MBOAT2: variants seen among roughly 807,000 people sequenced by gnomAD.
MBOAT2 encodes membrane bound glycerophospholipid O-acyltransferase 2, also known as membrane-bound glycerophospholipid O-acyltransferase 2.
A neutral mutation model predicts 63.4 loss-of-function variants in MBOAT2; 28 were observed. The observed-to-expected ratio is 0.44, with a 90% confidence interval of 0.33 to 0.61. MBOAT2 has a LOEUF of 0.61. Among genes scored for constraint, MBOAT2 ranks in the 20% least tolerant of loss-of-function variants. The probability of loss-of-function intolerance (pLI) is 0.03; values close to 1 mark genes in which losing one functional copy is unlikely to be tolerated. For synonymous variants in MBOAT2, 211 were observed against 215.6 expected (o/e 0.98, Z 0.19); for missense variants, 470 against 605.8 (o/e 0.78, Z 2.35).
chr2:8,923,631 T>C (rs1330661646), intron 3 of MBOAT2, among the ~76,000 whole-genome samples: 2 of 152,164 alleles, frequency 1.3e-5, no homozygotes, highest in East Asian at 1.9e-4. Context: ...TTGGTTTTTC[T>C]GGGCAGTAGT....
intron 1 of MBOAT2, among the ~76,000 whole-genome samples, chr2:8,995,828 T>C (rs1365537128): frequency 1.3e-5 from 2 of 152,162 alleles, no homozygotes; most frequent in Admixed American, 6.5e-5. Context: ...CCTGACCTTG[T>C]GATCCGCCCG....
At chr2:8,873,331 T>A in intron 7 of MBOAT2, 31 bp from the exon 8 acceptor site, 1 of 1,597,836 alleles carries the variant, frequency 6.3e-7, no homozygotes, top group Non-Finnish European at 8.5e-7. Context: ...CTTCATCAAC[T>A]TTATCCATGC....
At position 8,943,423 on chromosome 2, in the gene MBOAT2, A is replaced by G. The variant is rs1000136734; in HGVS notation, c.222-159T>C. On this transcript the variant is annotated intron_variant, in intron 2 of 12. Coordinates refer to ENST00000305997, the MANE Select transcript of MBOAT2 (RefSeq NM_138799.4). ...GCTTAAAATCCTGTGGACACCCTAA[A>G]GAGAGAGTCCCATACCACAGGCTCC... Among the ~76,000 whole-genome samples the G allele has an allele frequency of 7.8e-4, 119 of 152,226 alleles. 1 individual carries two copies. Among genetic ancestry groups the G allele is most frequent in the Non-Finnish European group, 2.4e-4 (16 of 68,040 alleles).
At chr2:8,954,923 C>A (rs1462795535) in intron 2 of MBOAT2, among the ~76,000 whole-genome samples, 1 of 152,172 alleles carries the variant, frequency 6.6e-6, no homozygotes, top group Non-Finnish European at 1.5e-5. Flanking sequence ...GTGGGGCACC[C>A]AACAATGACA....
intron 3 of MBOAT2, among the ~76,000 whole-genome samples, chr2:8,937,620 G>A (rs1667759462): frequency 6.6e-6 from 1 of 152,158 alleles, no homozygotes; most frequent in South Asian, 2.1e-4. Flanking sequence ...CTGAGAGTCA[G>A]GAGGAGAGGG....
chr2:8,975,554 G>C (rs906801647), intron 1 of MBOAT2, among the ~76,000 whole-genome samples: 2 of 152,056 alleles, frequency 1.3e-5, no homozygotes, highest in African/African-American at 4.8e-5. Context: ...AAATCAAGGG[G>C]AGCAGACTAA....
intron 8 of MBOAT2, among the ~76,000 whole-genome samples, chr2:8,869,935 T>C (rs1198504439): frequency 2.0e-5 from 3 of 152,140 alleles, no homozygotes; most frequent in African/African-American, 7.2e-5. Flanking sequence ...GACAACAAGA[T>C]TGGCCCAGGG....
chr2:8,957,558 A>G (rs1261887554), intron 2 of MBOAT2, among the ~76,000 whole-genome samples: 1 of 152,224 alleles, frequency 6.6e-6, no homozygotes, highest in East Asian at 1.9e-4. Flanking sequence ...CATAACTATC[A>G]AAAACAACAT....
At chr2:8,998,908 C>G (rs947752195) in intron 1 of MBOAT2, among the ~76,000 whole-genome samples, 14 of 152,178 alleles carry the variant, frequency 9.2e-5, no homozygotes, top group African/African-American at 3.1e-4. Flanking sequence ...CGTGCACGCA[C>G]ACACACACCC....
chr2:8,965,844 A>C (rs1429838064), intron 1 of MBOAT2, among the ~76,000 whole-genome samples: 3 of 152,204 alleles, frequency 2.0e-5, no homozygotes, highest in Non-Finnish European at 2.9e-5. Flanking sequence ...CATCAGAATT[A>C]AGCATTCTAC....
Position 8,862,262 on chromosome 2 carries a change from T to C in MBOAT2, c.1185+328A>G, listed in dbSNP as rs1243434919. 7.8e-7 allele frequency: 1 copy of C among 1,282,898 alleles called. No individual in the cohort carries two copies. Among genetic ancestry groups the C allele is most frequent in the African/African-American group, 1.5e-5 (1 of 65,584 alleles). 79.5% of individuals were successfully genotyped at this position (1,282,898 alleles called of 1,614,324 possible). A position where few individuals can be genotyped will look rare whatever the true frequency, so the allele number is the denominator to read the frequency against. Reference sequence around the variant, plus strand: ...CAGCTTTCAGGAAACATTTCTAAAATAAACCTACCCATTCTGATCATCTTT... The same window carrying C: ...CAGCTTTCAGGAAACATTTCTAAAACAAACCTACCCATTCTGATCATCTTT... On this transcript the variant is annotated intron_variant, in intron 11 of 12. Coordinates refer to ENST00000305997, the MANE Select transcript of MBOAT2 (RefSeq NM_138799.4). This position sits in a 1 kb window ranked among gnomAD's most constrained non-coding sequence, Gnocchi z 4.3.
At chr2:8,901,548 C>T (rs941904142) in intron 4 of MBOAT2, among the ~76,000 whole-genome samples, 8 of 152,182 alleles carry the variant, frequency 5.3e-5, no homozygotes, top group Non-Finnish European at 8.8e-5. Flanking sequence ...GGGCCATACC[C>T]TGAGGGAGGG....
intron 3 of MBOAT2, among the ~76,000 whole-genome samples, chr2:8,942,199 A>T (rs1267371124): frequency 6.6e-6 from 1 of 152,254 alleles, no homozygotes; most frequent in Non-Finnish European, 1.5e-5. Context: ...CAACAGAGGT[A>T]GCGACTGACA....
chr2:8,912,211 C>T (rs1262378352), intron 3 of MBOAT2, among the ~76,000 whole-genome samples: 1 of 151,046 alleles, frequency 6.6e-6, no homozygotes, highest in Non-Finnish European at 1.5e-5. Flanking sequence ...CCACACTCCT[C>T]TTCAACATAG....
intron 1 of MBOAT2, among the ~76,000 whole-genome samples, chr2:9,002,069 A>G (rs1672726058): frequency 6.7e-6 from 1 of 150,178 alleles, no homozygotes; most frequent in African/African-American, 2.5e-5. Context: ...CAGTGTGGAA[A>G]TGTCAGCAAG....
intron 1 of MBOAT2, among the ~76,000 whole-genome samples, chr2:8,984,899 C>A (rs1213201059): frequency 6.6e-6 from 1 of 152,096 alleles, no homozygotes; most frequent in East Asian, 1.9e-4. Context: ...AAGCCAGTCG[C>A]CCCCAATGGT....
intron 1 of MBOAT2, among the ~76,000 whole-genome samples, chr2:8,977,841 C>A (rs113185738): frequency 6.6e-6 from 1 of 152,238 alleles, no homozygotes; most frequent in Non-Finnish European, 1.5e-5. Flanking sequence ...ACACTTCAAC[C>A]AAAACCTTGC....
chr2:8,989,655 A>G (rs1671793344), intron 1 of MBOAT2, among the ~76,000 whole-genome samples: 1 of 152,222 alleles, frequency 6.6e-6, no homozygotes, highest in Non-Finnish European at 1.5e-5. Flanking sequence ...GAAGTGTCCA[A>G]TTCTCTGAAA....
At chr2:8,895,774 G>C (rs1179952628) in intron 4 of MBOAT2, among the ~76,000 whole-genome samples, 2 of 152,138 alleles carry the variant, frequency 1.3e-5, no homozygotes, top group Non-Finnish European at 2.9e-5. Context: ...GCTCATTTGG[G>C]GTTCCGTTTG....
Sources: gnomAD v4.1 joint callset for allele counts (sites outside exome capture counted in the v4.1 genomes callset) on GRCh38, gnomAD v4.1.1 for gene constraint, Gnocchi (gnomAD v3.1) non-coding constraint, MANE v1.5 for transcripts, NCBI Gene and HGNC (gene_info 2026-07-23, HGNC 2026-07-21) for gene names.